Variants in DHRS11 observed in about 807,000 individuals in gnomAD.
DHRS11 encodes dehydrogenase/reductase SDR family member 11.
DHRS11 carries 18 observed loss-of-function variants against 30.7 expected under a neutral mutation model. The ratio of observed to expected loss-of-function variants is 0.59; its 90% CI spans 0.41 to 0.87. The LOEUF (loss-of-function observed/expected upper bound fraction) is 0.87. Ranked by LOEUF, DHRS11 falls within the 40% of genes least tolerant of loss-of-function variation. The probability of loss-of-function intolerance (pLI) is 0.00; values close to 1 mark genes in which losing one functional copy is unlikely to be tolerated. For missense variants in DHRS11, 300 were observed against 349.0 expected, an observed-to-expected ratio of 0.86 and a Z score of 1.12; for synonymous variants, 123 against 139.6, an observed-to-expected ratio of 0.88 and a Z score of 0.84.
At chr17:36,594,699 G>A (rs2074794887) in intron 1 of DHRS11, 2 of 559,090 alleles carry the variant, frequency 3.6e-6, no homozygotes, top group South Asian at 4.5e-5. Flanking sequence ...ACAGGCATGA[G>A]CCACCACGCC....
At chr17:36,595,879 A>G (rs958560330) in intron 2 of DHRS11, among the ~76,000 whole-genome samples, 1 of 152,172 alleles carries the variant, frequency 6.6e-6, no homozygotes, top group African/African-American at 2.4e-5. Context: ...GAGAGAGACA[A>G]GTGATGATAT....
rs776410184 is a variant in DHRS11, at chr17:36,595,075, C to T, written c.252C>T (p.Ile84=). Reference sequence around the variant, plus strand: ...ACATCCTCTCCATGTTCTCAGCTATCCGTTCTCAGCACAGCGGTGTAGACA... The same window carrying T: ...ACATCCTCTCCATGTTCTCAGCTATTCGTTCTCAGCACAGCGGTGTAGACA... ...EEDILSMFSA[I]RSQHSGVDIC... is the part of the protein sequence containing the mutation. The change falls in exon 2 of 7, where the codon ATC becomes ATT. Residue 84 remains isoleucine (I), a synonymous_variant. Coordinates refer to ENST00000618403, the MANE Select transcript of DHRS11 (RefSeq NM_024308.4). The T allele has an allele frequency of 1.2e-6, 2 of 1,614,196 alleles. No homozygotes were observed. The highest frequency in any genetic ancestry group is 4.5e-5 in the East Asian group (2 of 44,884).
chr17:36,592,247 AG>A lies in DHRS11; in HGVS notation c.147+92del. 1 of 1,219,788 alleles carries A rather than the reference AG, an allele frequency of 8.2e-7. No homozygotes were observed. Among genetic ancestry groups the A allele is most frequent in the Non-Finnish European group, 1.0e-6 (1 of 977,800 alleles). The allele number at this position is 1,219,788 out of a possible 1,614,324, so 75.6% of individuals were successfully genotyped here. ...CCGCCACGCCGGGGCCCTTTGCTCT[AG>A]TCGGGGCGGCCTCTCGGATCCCTTA... On this transcript the variant is annotated intron_variant, in intron 1 of 6. Coordinates refer to ENST00000618403, the MANE Select transcript of DHRS11 (RefSeq NM_024308.4). The surrounding 1 kb of genome is among the most constrained non-coding windows in gnomAD (Gnocchi z 4.4).
intron 2 of DHRS11, 41 bp downstream of exon 2, chr17:36,595,221 G>A: frequency 6.2e-7 from 1 of 1,607,962 alleles, no homozygotes; most frequent in Non-Finnish European, 8.5e-7. Flanking sequence ...GGAGGGTGGG[G>A]AGGAGAGAGG....
chr17:36,598,790 C>A, intron 3 of DHRS11, 131 bp from the exon 4 acceptor site: 1 of 1,207,594 alleles, frequency 8.3e-7, no homozygotes, highest in Non-Finnish European at 1.1e-6. Context: ...TGTAGGATGG[C>A]CAGTAGAGGT....
intron 3 of DHRS11, chr17:36,598,602 T>G: frequency 2.0e-6 from 1 of 502,204 alleles, no homozygotes; most frequent in Non-Finnish European, 3.5e-6. Flanking sequence ...GGACATGGCC[T>G]CTGCCTGCCT....
chr17:36,591,964 C>T lies in DHRS11; in HGVS notation c.-46C>T, dbSNP rs2074770207. ...AGCGGCCGGGCGTCAGCTCCTCGAC[C>T]CCCGTGTCGGGCTAGTCCAGCGAGG... On this transcript the variant is annotated 5_prime_UTR_variant, in exon 1 of 7. Transcript: ENST00000618403. 4.1e-6 allele frequency: 5 copies of T among 1,222,258 alleles called. No homozygotes were observed. Among genetic ancestry groups the T allele is most frequent in the Non-Finnish European group, 4.1e-6 (4 of 982,032 alleles). 75.7% of individuals were successfully genotyped at this position (1,222,258 alleles called of 1,614,324 possible).
rs750518727 is a variant in DHRS11 at position 36,599,736 on chromosome 17, GGCAGCT to G, written c.651_656del (p.Ala218_Ala219del). ...AACTCCACGACAAGGACCCTGAGAA[GGCAGCT>G]GCCACCTATGAGCAAATGAAGGTGG... is the stretch of plus-strand genomic sequence containing the variant. On this transcript the variant is annotated inframe_deletion, in exon 5 of 7. Transcript: ENST00000618403. 6.2e-7 allele frequency: 1 copy of G among 1,614,210 alleles called. No individual in the cohort carries two copies. Among genetic ancestry groups the G allele is most frequent in the Admixed American group, 1.7e-5 (1 of 60,030 alleles).
chr17:36,599,274 G>A, intron 4 of DHRS11: 11 of 731,388 alleles, frequency 1.5e-5, no homozygotes, highest in Non-Finnish European at 2.3e-5. Context: ...TTTGAGCTGG[G>A]AGGGGGCTGA....
Position 36,592,910 on chromosome 17 carries a change from A to G in DHRS11, c.147+754A>G, listed in dbSNP as rs1567840249. Among the ~76,000 whole-genome samples the G allele has an allele frequency of 6.6e-6, 1 of 151,994 alleles. No individual in the cohort carries two copies. Among genetic ancestry groups the G allele is most frequent in the African/African-American group, 2.4e-5 (1 of 41,346 alleles). On this transcript the variant is annotated intron_variant, in intron 1 of 6. Transcript: ENST00000618403. This position sits in a 1 kb window ranked among gnomAD's most constrained non-coding sequence, Gnocchi z 4.4. ...TGCTTAGCTGCAGGGCTTTATCTCC[A>G]CCGTGCTCAAAGTCCTCAGGCAGGG...
At chr17:36,598,798 G>C in intron 3 of DHRS11, 123 bp from the exon 4 acceptor site, 1 of 1,301,432 alleles carries the variant, frequency 7.7e-7, no homozygotes, top group South Asian at 1.4e-5. Flanking sequence ...GGCCAGTAGA[G>C]GTCCCCTTTA....
chr17:36,597,183 G>C, intron 2 of DHRS11: 1 of 249,440 alleles, frequency 4.0e-6, no homozygotes, highest in East Asian at 9.7e-5. Flanking sequence ...CCAAGAAGAT[G>C]AGAAACACGG....
Position 36,598,920 on chromosome 17 carries a change from G to A in DHRS11, c.453-1G>A, listed in dbSNP as rs1180049472. ...TCTTTCCCCTTCCTCTCCCCACCCA[G>A]CATGTCTGGCCACCGAGTGTTACCC... On this transcript the variant is annotated splice_acceptor_variant, in intron 3 of 6. Transcript: ENST00000618403. LOFTEE classifies it high-confidence loss of function. 6.2e-7 allele frequency: 1 copy of A among 1,611,590 alleles called. No homozygotes were observed. Among genetic ancestry groups the A allele is most frequent in the East Asian group, 2.2e-5 (1 of 44,798 alleles).
At chr17:36,598,305 A>G (rs1162831107) in intron 3 of DHRS11, 48 bp downstream of exon 3, 1 of 1,580,996 alleles carries the variant, frequency 6.3e-7, no homozygotes, top group Non-Finnish European at 8.7e-7. Flanking sequence ...AGGCTGGGTA[A>G]TGTGCTGCAG....
intron 2 of DHRS11, chr17:36,597,633 G>A (rs1381910003): frequency 5.8e-6 from 1 of 173,302 alleles, no homozygotes; most frequent in Non-Finnish European, 1.2e-5. Context: ...CATCTCAAGG[G>A]AGGGGATGGG....
rs1227627903 is a variant in DHRS11, at chr17:36,595,021, C to T, written c.198C>T (p.Pro66=). ...CAGGCTACCCCGGGACTTTGATCCC[C>T]TACAGATGTGACCTATCAAATGAAG... The part of the protein sequence containing the change: ...KSAGYPGTLI[P]YRCDLSNEED... Residue 66 remains proline (P), a synonymous_variant, in exon 2 of 7, where the codon CCC becomes CCT. Transcript: ENST00000618403. 4 of 1,614,220 alleles carry T rather than the reference C, an allele frequency of 2.5e-6. No individual in the cohort carries two copies. Among genetic ancestry groups the T allele is most frequent in the Admixed American group, 1.7e-5 (1 of 60,024 alleles).
Position 36,592,712 on chromosome 17 carries a change from G to A in DHRS11, c.147+556G>A, listed in dbSNP as rs889664102. On this transcript the variant is annotated intron_variant, in intron 1 of 6. Transcript: ENST00000618403. The surrounding 1 kb of genome is among the most constrained non-coding windows in gnomAD (Gnocchi z 4.4). ...CGAACAGAGTGGGTGAAATCGGGCG[G>A]AAACCTTGAGAGGATAAAGCAACCT... 4.6e-5 allele frequency among the ~76,000 whole-genome samples: 7 copies of A among 152,190 alleles called. No homozygotes were observed. The highest frequency in any genetic ancestry group is 2.1e-4 in the South Asian group (1 of 4,832).
chr17:36,595,093 T>C lies in DHRS11; in HGVS notation c.270T>C (p.Gly90=). The C allele has an allele frequency of 2.5e-6, 4 of 1,610,304 alleles. No homozygotes were observed. The highest frequency in any genetic ancestry group is 3.4e-6 in the Non-Finnish European group (4 of 1,176,510). The part of the protein sequence containing the change: ...MFSAIRSQHS[G]VDICINNAGL... Reference sequence around the variant, plus strand: ...CAGCTATCCGTTCTCAGCACAGCGGTGTAGACATCTGCATCAACAATGCTG... The same window carrying C: ...CAGCTATCCGTTCTCAGCACAGCGGCGTAGACATCTGCATCAACAATGCTG... The change falls in exon 2 of 7, where the codon GGT becomes GGC. Residue 90 remains glycine (G), a synonymous_variant. Coordinates refer to ENST00000618403, the MANE Select transcript of DHRS11 (RefSeq NM_024308.4).
intron 3 of DHRS11, 143 bp downstream of exon 3, chr17:36,598,400 G>A: frequency 1.3e-6 from 1 of 776,208 alleles, no homozygotes; most frequent in South Asian, 1.8e-5. Flanking sequence ...GTGAGGGAAA[G>A]AATAATGTTG....
Sources: allele counts gnomAD v4.1 joint callset (sites outside exome capture counted in the v4.1 genomes callset), GRCh38; gene constraint gnomAD v4.1.1; non-coding constraint Gnocchi (gnomAD v3.1); transcripts MANE v1.5; gene names NCBI Gene and HGNC (gene_info 2026-07-23, HGNC 2026-07-21).